Variants in SLC24A2 observed in about 807,000 individuals in gnomAD.
SLC24A2 encodes the protein sodium/potassium/calcium exchanger 2.
In SLC24A2, 36 loss-of-function variants were observed where a neutral mutation model predicts 62.0. That is an observed-to-expected ratio of 0.58 (90% CI 0.44 to 0.77). The LOEUF is 0.77. Among genes scored for constraint, SLC24A2 ranks in the 30% least tolerant of loss-of-function variants. The probability of loss-of-function intolerance (pLI) is 0.00; values close to 1 mark genes in which losing one functional copy is unlikely to be tolerated. For missense variants in SLC24A2, 846 were observed against 817.9 expected, an observed-to-expected ratio of 1.03 and a Z score of -0.42; for synonymous variants, 358 against 294.0, an observed-to-expected ratio of 1.22 and a Z score of -2.23.
intron 9 of SLC24A2, among the ~76,000 whole-genome samples, chr9:19,522,943 C>A (rs935704110): frequency 2.0e-5 from 3 of 152,182 alleles, no homozygotes; most frequent in Admixed American, 2.0e-4. Context: ...GCTGACTAAA[C>A]AACTGTTACT....
the SLC24A2 span, among the ~76,000 whole-genome samples, chr9:19,904,987 T>A: frequency 2.6e-5 from 4 of 152,178 alleles, no homozygotes; most frequent in Non-Finnish European, 5.9e-5. Context: ...AGGAAAAGGA[T>A]CACTGGGTCT....
At chr9:20,191,159 AC>A in the SLC24A2 span, among the ~76,000 whole-genome samples, 3 of 106,168 alleles carry the variant, frequency 2.8e-5, no homozygotes, top group African/African-American at 1.3e-4. Flanking sequence ...TGTTTTCCGG[AC>A]CTTTTTTTTT....
At chr9:19,830,375 C>T in the SLC24A2 span, among the ~76,000 whole-genome samples, 2 of 152,170 alleles carry the variant, frequency 1.3e-5, no homozygotes, top group Admixed American at 6.5e-5. Flanking sequence ...TGCCATGAGG[C>T]ATTATGTCAG....
At chr9:19,816,116 A>G in the SLC24A2 span, among the ~76,000 whole-genome samples, 1 of 152,008 alleles carries the variant, frequency 6.6e-6, no homozygotes, top group Non-Finnish European at 1.5e-5. Flanking sequence ...CTTTCTTACT[A>G]GGAGTATTCT....
the SLC24A2 span, among the ~76,000 whole-genome samples, chr9:20,019,290 AGAAAGAAAGAAAGAAAGAAAG>A: frequency 2.7e-5 from 4 of 150,042 alleles, no homozygotes; most frequent in African/African-American, 1.0e-4. Context: ...AAAGAAAGAA[AGAAAGAAAGAAAGAAAGAAAG>A]AAAGTGAGTG....
At chr9:19,551,750 T>G (rs1834857037) in intron 7 of SLC24A2, among the ~76,000 whole-genome samples, 1 of 151,996 alleles carries the variant, frequency 6.6e-6, no homozygotes. Context: ...TGAGGAGAGG[T>G]CAGGGCTGGG....
chr9:20,211,473 T>C, the SLC24A2 span, among the ~76,000 whole-genome samples: 11 of 152,096 alleles, frequency 7.2e-5, no homozygotes, highest in African/African-American at 1.7e-4. Context: ...GATCACACCA[T>C]TGCACTCCAG....
At chr9:20,100,322 G>C in the SLC24A2 span, among the ~76,000 whole-genome samples, 1 of 152,132 alleles carries the variant, frequency 6.6e-6, no homozygotes, top group African/African-American at 2.4e-5. Context: ...TGGCCTTCCA[G>C]AGTGCTGGCA....
At chr9:20,044,601 C>T in the SLC24A2 span, among the ~76,000 whole-genome samples, 101,336 of 151,950 alleles carry the variant, frequency 0.67, 34,826 homozygotes, top group East Asian at 0.95. Flanking sequence ...CTTGGGACAA[C>T]GCATATTTTA....
intron 8 of SLC24A2, among the ~76,000 whole-genome samples, chr9:19,545,254 C>T (rs1195639749): frequency 6.6e-6 from 1 of 151,866 alleles, no homozygotes; most frequent in Non-Finnish European, 1.5e-5. Flanking sequence ...ACAGAATTCT[C>T]ATGCTGTGTT....
At chr9:19,833,774 C>G in the SLC24A2 span, among the ~76,000 whole-genome samples, 2 of 152,246 alleles carry the variant, frequency 1.3e-5, no homozygotes, top group African/African-American at 4.8e-5. Flanking sequence ...AGGCAGACTG[C>G]CTCCTCAAGT....
At chr9:20,097,852 C>A in the SLC24A2 span, among the ~76,000 whole-genome samples, 2 of 146,480 alleles carry the variant, frequency 1.4e-5, no homozygotes, top group Non-Finnish European at 3.0e-5. Flanking sequence ...ACGCCATTCT[C>A]CTGCCTCAGA....
intron 2 of SLC24A2, among the ~76,000 whole-genome samples, chr9:19,690,846 G>A (rs1251394516): frequency 1.3e-5 from 2 of 152,028 alleles, no homozygotes; most frequent in African/African-American, 2.4e-5. Context: ...AGTGGATTTC[G>A]ATAGAATGGA....
At chr9:19,953,222 C>G in the SLC24A2 span, among the ~76,000 whole-genome samples, 1 of 152,004 alleles carries the variant, frequency 6.6e-6, no homozygotes, top group African/African-American at 2.4e-5. Context: ...AATATTTTTT[C>G]TGTTGTTTGT....
At position 19,508,795 on chromosome 9, in the gene SLC24A2, T is replaced by TTA. The variant is rs1832602485; in HGVS notation, c.*7357_*7358insTA. ...GGTGACAGAGCAAGACCCTGTCTGT[T>TTA]AAAAAAAAAATTATATAAAAATTTG... On this transcript the variant is annotated 3_prime_UTR_variant, in exon 11 of 11. Coordinates refer to ENST00000341998, the MANE Select transcript of SLC24A2 (RefSeq NM_020344.4). 1 of 150,544 alleles carries TTA rather than the reference T, an allele frequency of 6.6e-6. No individual in the cohort carries two copies. Among genetic ancestry groups the TTA allele is most frequent in the Non-Finnish European group, 1.5e-5 (1 of 67,694 alleles). 9.3% of individuals were successfully genotyped at this position (150,544 alleles called of 1,614,324 possible). A position where few individuals can be genotyped will look rare whatever the true frequency, so the allele number is the denominator to read the frequency against.
chr9:19,788,930 G>A lies in SLC24A2; in HGVS notation c.-199C>T. 1 of 985,150 alleles carries A rather than the reference G, an allele frequency of 1.0e-6. No individual in the cohort carries two copies. The highest frequency in any genetic ancestry group is 1.2e-6 in the Non-Finnish European group (1 of 829,688). 61.0% of individuals were successfully genotyped at this position (985,150 alleles called of 1,614,324 possible). A position where few individuals can be genotyped will look rare whatever the true frequency, so the allele number is the denominator to read the frequency against. On this transcript the variant is annotated 5_prime_UTR_variant, in exon 1 of 11. Transcript: ENST00000341998. ...CGCACACGGCGGGGCCCCCGAGCGC[G>A]GCCCGCCGCTCCAGTCCGCCGGCCC... is the stretch of plus-strand genomic sequence containing the variant.
intron 10 of SLC24A2, among the ~76,000 whole-genome samples, chr9:19,517,709 G>A (rs1009789213): frequency 6.6e-6 from 1 of 152,014 alleles, no homozygotes; most frequent in Non-Finnish European, 1.5e-5. Flanking sequence ...CCAAGCTTGG[G>A]AACAAGGGGT....
chr9:20,059,017 A>G, the SLC24A2 span, among the ~76,000 whole-genome samples: 1 of 152,362 alleles, frequency 6.6e-6, no homozygotes, highest in Admixed American at 6.5e-5. Context: ...TTGACTGTAG[A>G]TAAGTATTTA....
chr9:20,063,416 G>C, the SLC24A2 span, among the ~76,000 whole-genome samples: 3 of 145,770 alleles, frequency 2.1e-5, no homozygotes, highest in East Asian at 2.0e-4. Context: ...ACTGCATATT[G>C]TCACTCATAG....
Sources: allele counts gnomAD v4.1 joint callset (sites outside exome capture counted in the v4.1 genomes callset), GRCh38; gene constraint gnomAD v4.1.1; transcripts MANE v1.5; gene names NCBI Gene and HGNC (gene_info 2026-07-23, HGNC 2026-07-21).